GRAMD2B: variants seen among roughly 807,000 people sequenced by gnomAD.
The protein encoded by GRAMD2B is GRAM domain-containing protein 2B.
A neutral mutation model predicts 59.2 loss-of-function variants in GRAMD2B; 41 were observed. That is an observed-to-expected ratio of 0.69 (90% CI 0.54 to 0.90). GRAMD2B has a LOEUF of 0.90. GRAMD2B is among the 40% of genes least tolerant of loss of function. The pLI is 0.00. For synonymous variants in GRAMD2B, 161 were observed against 182.7 expected, an observed-to-expected ratio of 0.88 and a Z score of 0.96; for missense variants, 424 against 500.5, an observed-to-expected ratio of 0.85 and a Z score of 1.46.
chr5:126,408,190 A>C (rs1293576766), intron 1 of GRAMD2B, among the ~76,000 whole-genome samples: 1 of 152,022 alleles, frequency 6.6e-6, no homozygotes, highest in Non-Finnish European at 1.5e-5. Flanking sequence ...GTATAAGTGA[A>C]AACATGTGAT....
intron 1 of GRAMD2B, among the ~76,000 whole-genome samples, chr5:126,450,282 A>G (rs1480427313): frequency 6.6e-6 from 1 of 152,110 alleles, no homozygotes; most frequent in Non-Finnish European, 1.5e-5. Context: ...TCGGCTTCTA[A>G]TGGCCCTGGT....
At chr5:126,492,224 T>C (rs6879316) in intron 13 of GRAMD2B, among the ~76,000 whole-genome samples, 122,050 of 151,488 alleles carry the variant, frequency 0.81, 49,351 homozygotes, top group East Asian at 0.93. Context: ...AACATTATTA[T>C]GTGGGATTTT....
rs1328101923 is a variant in GRAMD2B, at chr5:126,447,556, C to T, written c.84-17870C>T. Among the ~76,000 whole-genome samples, 7 of 151,660 alleles carry T rather than the reference C, an allele frequency of 4.6e-5. No homozygotes were observed. In the East Asian group the frequency reaches 1.2e-3, roughly 25 times the overall value. ...GCGGGCGCCTGTAGTCCCAGCTACT[C>T]AGGAGGCTGAGGCAGGAGAATGGCG... On this transcript the variant is annotated intron_variant, in intron 1 of 13. Transcript: ENST00000285689.
chr5:126,443,392 G>A (rs1249047581), intron 1 of GRAMD2B, among the ~76,000 whole-genome samples: 1 of 152,162 alleles, frequency 6.6e-6, no homozygotes, highest in African/African-American at 2.4e-5. Flanking sequence ...AAATTCTTCA[G>A]CCTTATTTAT....
rs372189236 is a variant in GRAMD2B at position 126,428,958 on chromosome 5, C to A, written c.83+5269C>A. ...TTGCTGGGGGTGTAAATTAGTTTGA[C>A]CATCGTGGAAGACAGTGTGGCAATT... On this transcript the variant is annotated intron_variant, in intron 1 of 13. Transcript: ENST00000285689. Among the ~76,000 whole-genome samples, 6 of 152,106 alleles carry A rather than the reference C, an allele frequency of 3.9e-5. No homozygotes were observed. The East Asian group carries it at 5.8e-4, about 15-fold the overall frequency.
At chr5:126,469,831 G>T in intron 3 of GRAMD2B, 43 bp downstream of exon 3, 1 of 1,414,414 alleles carries the variant, frequency 7.1e-7, no homozygotes, top group Non-Finnish European at 9.9e-7. Flanking sequence ...AGGGTGACAG[G>T]GCTACTGAAG....
rs540594717 is a variant in GRAMD2B at position 126,383,710 on chromosome 5, T to A, written c.125+12143T>A. Among the ~76,000 whole-genome samples the A allele has an allele frequency of 2.0e-5, 3 of 152,334 alleles. No individual in the cohort carries two copies. In the East Asian group the frequency reaches 5.8e-4, roughly 29 times the overall value. ...CAGATACATGACCAAAATGGCATTA[T>A]CCAAGTTCATGGACGAATTTATTCA... On this transcript the variant is annotated intron_variant, in intron 1 of 8. Transcript: ENST00000506445.
chr5:126,407,179 G>A (rs914047563), intron 1 of GRAMD2B, among the ~76,000 whole-genome samples: 1 of 152,026 alleles, frequency 6.6e-6, no homozygotes, highest in Non-Finnish European at 1.5e-5. Flanking sequence ...CAGCAAGGCA[G>A]GCAGATCCAA....
Position 126,469,778 on chromosome 5 carries a change from C to T in GRAMD2B, c.305C>T (p.Ser102Phe), listed in dbSNP as rs1769199686. Residue 102 changes from serine to phenylalanine, a missense_variant, in exon 3 of 14, where the codon TCT becomes TTT. Coordinates refer to ENST00000285689, the MANE Select transcript of GRAMD2B (RefSeq NM_023927.4). The part of the protein sequence containing the change: ...DPKTERKKSS[S>F]SSQYKANMHF... ...AAGACTGAAAGAAAAAAGTCTTCAT[C>T]TTCCAGCCAGGTAATTTGAGAATGG... 6.2e-7 allele frequency: 1 copy of T among 1,607,850 alleles called. No individual in the cohort carries two copies. The highest frequency in any genetic ancestry group is 8.5e-7 in the Non-Finnish European group (1 of 1,174,934).
At chr5:126,483,329 A>T (rs543069578) in intron 8 of GRAMD2B, 134 bp from the exon 9 acceptor site, 1 of 440,256 alleles carries the variant, frequency 2.3e-6, no homozygotes, top group South Asian at 6.9e-5. Context: ...GGAAAATCCC[A>T]GTCGTATGGA....
At chr5:126,483,633 C>A in intron 9 of GRAMD2B, 59 bp downstream of exon 9, 1 of 806,616 alleles carries the variant, frequency 1.2e-6, no homozygotes, top group South Asian at 1.8e-5. Flanking sequence ...ATCCTCACCC[C>A]ACCCCCTTAA....
At chr5:126,475,058 G>C (rs1024131990) in intron 5 of GRAMD2B, among the ~76,000 whole-genome samples, 1 of 152,118 alleles carries the variant, frequency 6.6e-6, no homozygotes, top group East Asian at 1.9e-4. Flanking sequence ...GCTCTACAAC[G>C]GGAACTTTCC....
intron 1 of GRAMD2B, among the ~76,000 whole-genome samples, chr5:126,380,623 G>C (rs1367022672): frequency 6.6e-6 from 1 of 152,106 alleles, no homozygotes; most frequent in African/African-American, 2.4e-5. Context: ...CACCTCCTTG[G>C]TTAGTTATAT....
At chr5:126,409,888 G>A (rs1758616644) in intron 1 of GRAMD2B, among the ~76,000 whole-genome samples, 1 of 151,870 alleles carries the variant, frequency 6.6e-6, no homozygotes. Context: ...GAGGGATCCA[G>A]TTTCAGCTTT....
intron 1 of GRAMD2B, among the ~76,000 whole-genome samples, chr5:126,389,279 A>C (rs1756485674): frequency 6.6e-6 from 1 of 152,204 alleles, no homozygotes; most frequent in South Asian, 2.1e-4. Context: ...ACATATAAGC[A>C]CTATAAAAGT....
At chr5:126,401,701 T>C (rs1280762106) in intron 1 of GRAMD2B, among the ~76,000 whole-genome samples, 1 of 152,104 alleles carries the variant, frequency 6.6e-6, no homozygotes, top group Non-Finnish European at 1.5e-5. Flanking sequence ...CAAGGAGTGT[T>C]TTATGGAAAC....
At chr5:126,415,583 A>G (rs1336023605) in intron 1 of GRAMD2B, among the ~76,000 whole-genome samples, 1 of 152,200 alleles carries the variant, frequency 6.6e-6, no homozygotes, top group African/African-American at 2.4e-5. Flanking sequence ...GTTCTATTTA[A>G]AAGATTCAAC....
chr5:126,367,635 A>G (rs528129496), upstream of GRAMD2B, among the ~76,000 whole-genome samples: 51 of 152,330 alleles, frequency 3.3e-4, no homozygotes, highest in African/African-American at 1.2e-3. Flanking sequence ...ATTGCACAAG[A>G]CTACATTCTT....
At chr5:126,442,041 G>T (rs1210793888) in intron 1 of GRAMD2B, among the ~76,000 whole-genome samples, 1 of 151,578 alleles carries the variant, frequency 6.6e-6, no homozygotes, top group Non-Finnish European at 1.5e-5. Context: ...TGTTACTAAA[G>T]TCTCACAATG....
Sources: gnomAD v4.1 joint callset for allele counts (sites outside exome capture counted in the v4.1 genomes callset) on GRCh38, gnomAD v4.1.1 for gene constraint, MANE v1.5 for transcripts, NCBI Gene and HGNC (gene_info 2026-07-23, HGNC 2026-07-21) for gene names.